The following CRY2 variants were observed in gnomAD, a reference collection of about 807,000 sequenced individuals.
The protein encoded by CRY2 is cryptochrome-2.
CRY2 carries 31 observed loss-of-function variants against 69.5 expected under a neutral mutation model. The observed-to-expected ratio is 0.45, with a 90% CI of 0.34 to 0.60. The LOEUF (loss-of-function observed/expected upper bound fraction) is 0.60, where lower values mean the gene tolerates loss of function less well. CRY2 is among the 20% of genes least tolerant of loss of function. CRY2 has a pLI of 0.02. For synonymous variants in CRY2, 303 were observed against 312.2 expected (o/e 0.97, Z 0.31); for missense variants, 606 against 797.8 (o/e 0.76, Z 2.90).
At chr11:45,858,928 G>T in intron 3 of CRY2, 55 bp downstream of exon 3, 1 of 1,587,790 alleles carries the variant, frequency 6.3e-7, no homozygotes, top group South Asian at 1.2e-5. Flanking sequence ...AGTAATTTGG[G>T]CCCCTGCTGA....
At chr11:45,878,698 G>A (rs527395967) in intron 11 of CRY2, among the ~76,000 whole-genome samples, 5 of 151,956 alleles carry the variant, frequency 3.3e-5, no homozygotes, top group East Asian at 1.9e-4. Flanking sequence ...TGAGGGGGGC[G>A]GATCACCTGA....
chr11:45,874,184 G>A (rs1481812990), intron 11 of CRY2, among the ~76,000 whole-genome samples: 1 of 152,048 alleles, frequency 6.6e-6, no homozygotes, highest in Non-Finnish European at 1.5e-5. Context: ...GGAGGCTGGG[G>A]CAAGAGAATC....
At position 45,869,827 on chromosome 11, in the gene CRY2, C is replaced by G. The variant is rs760558766; in HGVS notation, c.1194+10C>G. 46 of 1,596,146 alleles carry G rather than the reference C, an allele frequency of 2.9e-5. No homozygotes were observed. The highest frequency in any genetic ancestry group is 5.1e-5 in the Admixed American group (3 of 59,300). ...GGAGAGCGGGGTCCGGGTGAGTGCTCTCTCAACGAAAAGCTGGCCTGTACC... is the reference window on the plus strand; with the variant it reads ...GGAGAGCGGGGTCCGGGTGAGTGCTGTCTCAACGAAAAGCTGGCCTGTACC... On this transcript the variant is annotated intron_variant, in intron 7 of 11. Coordinates refer to ENST00000616080, the MANE Select transcript of CRY2 (RefSeq NM_021117.5).
At chr11:45,862,837 C>T (rs2086299045) in intron 5 of CRY2, among the ~76,000 whole-genome samples, 6 of 152,180 alleles carry the variant, frequency 3.9e-5, no homozygotes, top group Admixed American at 3.9e-4. Context: ...GCCCAGGCCT[C>T]AGAGGCACAG....
intron 11 of CRY2, among the ~76,000 whole-genome samples, chr11:45,873,612 A>G (rs1249977764): frequency 6.6e-6 from 1 of 152,250 alleles, no homozygotes; most frequent in East Asian, 1.9e-4. Context: ...ATGGTGTCCA[A>G]TTCAACATGA....
chr11:45,872,124 C>T lies in CRY2; in HGVS notation c.1675C>T (p.Pro559Ser). Residue 559 changes from proline to serine, a missense_variant, in exon 11 of 12, where the codon CCC becomes TCC. Transcript: ENST00000616080. ...ACCACTACCCAGTGGCCCAGCATCCCCCAAACGCAAGCTGGAAGCAGCCGA... is the reference window on the plus strand; with the variant it reads ...ACCACTACCCAGTGGCCCAGCATCCTCCAAACGCAAGCTGGAAGCAGCCGA... ...PRPLPSGPASPKRKLEAAEEP... is the reference protein window; with the variant it reads ...PRPLPSGPASSKRKLEAAEEP... The T allele has an allele frequency of 6.2e-7, 1 of 1,614,118 alleles. No individual in the cohort carries two copies. The highest frequency in any genetic ancestry group is 2.2e-5 in the East Asian group (1 of 44,870).
At chr11:45,852,595 G>C (rs1422813065) in intron 1 of CRY2, among the ~76,000 whole-genome samples, 1 of 152,198 alleles carries the variant, frequency 6.6e-6, no homozygotes, top group Non-Finnish European at 1.5e-5. Flanking sequence ...TGTGGTGGCT[G>C]TCCTGAGCCC....
chr11:45,847,664 G>A lies in CRY2; in HGVS notation c.174G>A (p.Pro58=). ...RCVRCVYILD[P]WFAASSSVGI... ...TGCGCTGCGTTTACATTCTCGACCC[G>A]TGGTTCGCGGCCTCCTCCTCAGTCG... Residue 58 remains proline (P), a synonymous_variant, in exon 1 of 12, where the codon CCG becomes CCA. Coordinates refer to ENST00000616080, the MANE Select transcript of CRY2 (RefSeq NM_021117.5). 1 of 1,591,014 alleles carries A rather than the reference G, an allele frequency of 6.3e-7. No individual in the cohort carries two copies. Among genetic ancestry groups the A allele is most frequent in the Non-Finnish European group, 8.6e-7 (1 of 1,169,468 alleles).
At chr11:45,874,279 TAAA>T (rs144754663) in intron 11 of CRY2, among the ~76,000 whole-genome samples, 1 of 142,982 alleles carries the variant, frequency 7.0e-6, no homozygotes. Flanking sequence ...AAACTCTGTC[TAAA>T]AAAAAAAAAA....
chr11:45,849,622 ATT>A (rs71038866), intron 1 of CRY2, among the ~76,000 whole-genome samples: 5 of 141,106 alleles, frequency 3.5e-5, no homozygotes, highest in Middle Eastern at 3.8e-3. Context: ...CCCCAATTCT[ATT>A]TTTTTTTTTT....
At chr11:45,871,335 C>G (rs920791539) in intron 10 of CRY2, among the ~76,000 whole-genome samples, 1 of 152,160 alleles carries the variant, frequency 6.6e-6, no homozygotes, top group Non-Finnish European at 1.5e-5. Flanking sequence ...GAAGGGAGGT[C>G]AGTGTAGCGG....
intron 5 of CRY2, among the ~76,000 whole-genome samples, chr11:45,864,910 C>A (rs2086317818): frequency 6.6e-6 from 1 of 152,042 alleles, no homozygotes; most frequent in Admixed American, 6.6e-5. Flanking sequence ...CAGGCTCCCA[C>A]AATCATGCCT....
At position 45,847,634 on chromosome 11, in the gene CRY2, C is replaced by G. The variant is rs1432047398; in HGVS notation, c.144C>G (p.Arg48=). ...PALLAAVRGA[R]CVRCVYILDP... is the part of the protein sequence containing the mutation. ...TGCTGGCGGCCGTGCGCGGGGCGCG[C>G]TGCGTGCGCTGCGTTTACATTCTCG... is the stretch of plus-strand genomic sequence containing the variant. The change falls in exon 1 of 12, where the codon CGC becomes CGG. Residue 48 remains arginine (R), a synonymous_variant. Transcript: ENST00000616080. 1.9e-6 allele frequency: 3 copies of G among 1,599,868 alleles called. No individual in the cohort carries two copies. The South Asian group carries it at 3.4e-5, about 18-fold the overall frequency.
chr11:45,870,582 G>T (rs1039424333), intron 9 of CRY2, 50 bp downstream of exon 9: 9 of 1,595,466 alleles, frequency 5.6e-6, no homozygotes, highest in Non-Finnish European at 7.7e-6. Flanking sequence ...GCACCTACAG[G>T]CTCAGGGGGC....
intron 1 of CRY2, among the ~76,000 whole-genome samples, chr11:45,848,700 C>T (rs1342170707): frequency 1.3e-5 from 2 of 152,200 alleles, no homozygotes; most frequent in Admixed American, 6.5e-5. Flanking sequence ...GGCAGTCGCT[C>T]GGTTTGTTTG....
intron 11 of CRY2, among the ~76,000 whole-genome samples, chr11:45,879,850 T>C (rs2086454629): frequency 6.6e-6 from 1 of 152,204 alleles, no homozygotes; most frequent in Non-Finnish European, 1.5e-5. Context: ...GTTGGCTTCT[T>C]TTCTTCTGAG....
intron 5 of CRY2, chr11:45,867,290 C>T: frequency 3.3e-6 from 1 of 299,686 alleles, no homozygotes; most frequent in South Asian, 6.5e-5. Context: ...TCATTCAGTG[C>T]TTTCAGAATT....
intron 6 of CRY2, among the ~76,000 whole-genome samples, chr11:45,868,854 T>G (rs2086352132): frequency 6.6e-6 from 1 of 152,160 alleles, no homozygotes; most frequent in South Asian, 2.1e-4. Context: ...CAGGCTGATC[T>G]CAAACTCCTG....
Position 45,870,322 on chromosome 11 carries a change from T to C in CRY2, c.1347-8T>C, listed in dbSNP as rs1257124089. ...TGCTGATGGGTCATCTGGTGTATCT[T>C]ATTTCAGGCGATACCTGCCCAAATT... On this transcript the variant is annotated splice_region_variant and splice_polypyrimidine_tract_variant and intron_variant, in intron 8 of 11. Coordinates refer to ENST00000616080, the MANE Select transcript of CRY2 (RefSeq NM_021117.5). 2.5e-6 allele frequency: 4 copies of C among 1,614,086 alleles called. No homozygotes were observed. The highest frequency in any genetic ancestry group is 3.4e-6 in the Non-Finnish European group (4 of 1,180,048).
Sources: allele counts gnomAD v4.1 joint callset (sites outside exome capture counted in the v4.1 genomes callset), GRCh38; gene constraint gnomAD v4.1.1; transcripts MANE v1.5; gene names NCBI Gene and HGNC (gene_info 2026-07-23, HGNC 2026-07-21).